Variants in ARHGAP44 observed in about 807,000 individuals in gnomAD.
ARHGAP44 encodes rho GTPase-activating protein 44.
In ARHGAP44, 43 loss-of-function variants were observed where a neutral mutation model predicts 106.8. That is an observed-to-expected ratio of 0.40 (90% confidence interval 0.32 to 0.52). ARHGAP44 has a LOEUF of 0.52. Ranked by LOEUF, ARHGAP44 falls within the 20% of genes least tolerant of loss-of-function variation. ARHGAP44 has a pLI of 0.48. For synonymous variants in ARHGAP44, 439 were observed against 410.3 expected (o/e 1.07, Z -0.85); for missense variants, 866 against 1,050.5 (o/e 0.82, Z 2.43).
In ARHGAP44 at chr17:12,837,327, C is replaced by T. The variant is rs140100620; in HGVS notation, c.53+47436C>T. Among the ~76,000 whole-genome samples, 669 of 152,120 alleles carry T rather than the reference C, an allele frequency of 4.4e-3. 3 individuals carry two copies. Among genetic ancestry groups the T allele is most frequent in the African/African-American group, 0.015 (633 of 41,478 alleles). ...AAAGAAGAATGGGTACCCCATTTACCCTAATGTGATTATTACACATTGTAT... is the reference window on the plus strand; with the variant it reads ...AAAGAAGAATGGGTACCCCATTTACTCTAATGTGATTATTACACATTGTAT... On this transcript the variant is annotated intron_variant, in intron 1 of 20. Coordinates refer to ENST00000379672, the MANE Select transcript of ARHGAP44 (RefSeq NM_014859.6).
chr17:12,892,418 T>A (rs776309388), intron 1 of ARHGAP44, among the ~76,000 whole-genome samples: 4 of 152,028 alleles, frequency 2.6e-5, no homozygotes, highest in African/African-American at 4.8e-5. Flanking sequence ...TGGTGAGGAT[T>A]TCTTTATGTT....
At chr17:12,810,911 G>A (rs1449227009) in intron 1 of ARHGAP44, among the ~76,000 whole-genome samples, 2 of 152,104 alleles carry the variant, frequency 1.3e-5, no homozygotes, top group Admixed American at 1.3e-4. Context: ...CCGGTTGACT[G>A]GAAGTGTTAC....
At chr17:12,909,388 C>T (rs1043693183) in intron 4 of ARHGAP44, among the ~76,000 whole-genome samples, 7 of 151,272 alleles carry the variant, frequency 4.6e-5, no homozygotes, top group African/African-American at 1.5e-4. Context: ...ACCCTGAGAA[C>T]GAAAAATAAT....
At chr17:12,796,770 T>TA (rs2033936457) in intron 1 of ARHGAP44, among the ~76,000 whole-genome samples, 3 of 151,692 alleles carry the variant, frequency 2.0e-5, no homozygotes, top group Admixed American at 2.0e-4. Context: ...CTAATTTTTT[T>TA]TTTTTTTTGA....
chr17:12,920,602 C>T (rs7221804), intron 6 of ARHGAP44, among the ~76,000 whole-genome samples: 35,118 of 151,888 alleles, frequency 0.23, 7,067 homozygotes, highest in African/African-American at 0.53. Flanking sequence ...GAAGGAAGGT[C>T]GGCATGGCTG....
At chr17:12,989,817 G>C (rs371592221) in intron 20 of ARHGAP44, among the ~76,000 whole-genome samples, 29 of 152,274 alleles carry the variant, frequency 1.9e-4, no homozygotes, top group African/African-American at 6.3e-4. Context: ...CGTATCCTGG[G>C]TGCTTTGGTT....
At chr17:12,824,813 C>T (rs1567633182) in intron 1 of ARHGAP44, among the ~76,000 whole-genome samples, 1 of 151,624 alleles carries the variant, frequency 6.6e-6, no homozygotes, top group African/African-American at 2.4e-5. Flanking sequence ...ACTTCTCTAC[C>T]TTCTGCTTGT....
In ARHGAP44 at chr17:12,980,223, C is replaced by A. The variant is rs375164678; in HGVS notation, c.1929C>A (p.Thr643=). 6.0e-5 allele frequency: 96 copies of A among 1,611,994 alleles called. No individual in the cohort carries two copies. The African/African-American group carries it at 1.1e-3, about 18-fold the overall frequency. Residue 643 remains threonine (T), a synonymous_variant, in exon 19 of 21, where the codon ACC becomes ACA. Coordinates refer to ENST00000379672, the MANE Select transcript of ARHGAP44 (RefSeq NM_014859.6). ...SQPPADQSPH[T]LRKVSKKLAP... ...CGCCTGCAGACCAGAGTCCTCACAC[C>A]CTCCGGAAAGGTATGGCCCTGCTTC...
Position 12,841,639 on chromosome 17 carries a change from C to CAA in ARHGAP44, c.53+51750_53+51751dup, listed in dbSNP as rs1331198278. Among the ~76,000 whole-genome samples the CAA allele has an allele frequency of 1.1e-3, 147 of 137,460 alleles. 1 individual carries two copies. The highest frequency in any genetic ancestry group is 4.3e-3 in the African/African-American group (145 of 33,992). The allele number at this position is 137,460 out of a possible 152,430, so 90.2% of individuals were successfully genotyped here. On this transcript the variant is annotated intron_variant, in intron 1 of 20. Transcript: ENST00000379672. ...ACACACACACACACACACACACACA[C>CAA]AAACAAACAAACAAAAACCACACAA...
intron 16 of ARHGAP44, among the ~76,000 whole-genome samples, chr17:12,959,812 A>G (rs1265153476): frequency 2.0e-5 from 3 of 152,266 alleles, no homozygotes; most frequent in Non-Finnish European, 4.4e-5. Context: ...AGCATAAAGC[A>G]TTGAATGGGA....
chr17:12,929,094 T>C (rs929803745), intron 7 of ARHGAP44, 48 bp downstream of exon 7: 3 of 1,518,908 alleles, frequency 2.0e-6, no homozygotes, highest in African/African-American at 2.8e-5. Flanking sequence ...TGGGGAGCCC[T>C]CAGGGATTCC....
At chr17:12,854,433 T>A (rs1452588401) in intron 1 of ARHGAP44, among the ~76,000 whole-genome samples, 1 of 152,138 alleles carries the variant, frequency 6.6e-6, no homozygotes, top group Non-Finnish European at 1.5e-5. Flanking sequence ...GCAGAAAGAT[T>A]AATGTGTAAG....
intron 1 of ARHGAP44, among the ~76,000 whole-genome samples, chr17:12,806,630 A>G (rs1292563774): frequency 1.3e-5 from 2 of 152,230 alleles, no homozygotes; most frequent in Admixed American, 6.5e-5. Flanking sequence ...GGTTATGAGC[A>G]TGGATTCTGA....
At chr17:12,795,424 T>G (rs1457172374) in intron 1 of ARHGAP44, among the ~76,000 whole-genome samples, 1 of 152,226 alleles carries the variant, frequency 6.6e-6, no homozygotes, top group Non-Finnish European at 1.5e-5. Context: ...TGCAGAATTC[T>G]GTTATCCCAG....
At chr17:12,964,598 T>C (rs975319113) in intron 16 of ARHGAP44, among the ~76,000 whole-genome samples, 1 of 152,116 alleles carries the variant, frequency 6.6e-6, no homozygotes, top group South Asian at 2.1e-4. Flanking sequence ...CTGGCCAACA[T>C]GGTGAAACCT....
At chr17:12,848,387 G>A (rs970566586) in intron 1 of ARHGAP44, among the ~76,000 whole-genome samples, 1 of 151,412 alleles carries the variant, frequency 6.6e-6, no homozygotes, top group African/African-American at 2.4e-5. Context: ...TGTTAATTCT[G>A]CATGATAACA....
intron 1 of ARHGAP44, among the ~76,000 whole-genome samples, chr17:12,822,309 T>G (rs985833165): frequency 6.6e-6 from 1 of 152,090 alleles, no homozygotes; most frequent in Non-Finnish European, 1.5e-5. Flanking sequence ...ATTTTTCCAG[T>G]CATTTGGAAA....
intron 16 of ARHGAP44, among the ~76,000 whole-genome samples, chr17:12,966,646 G>T (rs549469758): frequency 6.6e-6 from 1 of 152,326 alleles, no homozygotes; most frequent in East Asian, 1.9e-4. Flanking sequence ...CCCTGAATGT[G>T]CACGCCTACA....
intron 4 of ARHGAP44, among the ~76,000 whole-genome samples, chr17:12,915,643 T>C (rs954579252): frequency 2.0e-5 from 3 of 152,234 alleles, no homozygotes; most frequent in African/African-American, 7.2e-5. Flanking sequence ...CATGTGTGTC[T>C]GTTTTCTCTC....
Sources: allele counts gnomAD v4.1 joint callset (sites outside exome capture counted in the v4.1 genomes callset), GRCh38; gene constraint gnomAD v4.1.1; transcripts MANE v1.5; gene names NCBI Gene and HGNC (gene_info 2026-07-23, HGNC 2026-07-21).